FRAS1: variants seen among roughly 807,000 people sequenced by gnomAD.
FRAS1 encodes the protein Fraser extracellular matrix complex subunit 1.
A neutral mutation model predicts 435.2 loss-of-function variants in FRAS1; 290 were observed. The observed-to-expected ratio is 0.67, with a 90% CI of 0.61 to 0.73. The LOEUF is 0.73. FRAS1 is among the 30% of genes least tolerant of loss of function. The probability of loss-of-function intolerance (pLI) is 0.00; values close to 1 mark genes in which losing one functional copy is unlikely to be tolerated. For missense variants in FRAS1, 4,860 were observed against 5,001.5 expected (o/e 0.97, Z 0.85); for synonymous variants, 1,800 against 1,851.0 (o/e 0.97, Z 0.71).
chr4:78,446,588 T>C, intron 42 of FRAS1, 139 bp from the exon 43 acceptor site: 1 of 1,400,264 alleles, frequency 7.1e-7, no homozygotes, highest in Non-Finnish European at 9.2e-7. Context: ...ACTATTTTGC[T>C]TGGGAAGTAA....
At chr4:78,122,137 C>T (rs1364955737) in intron 2 of FRAS1, among the ~76,000 whole-genome samples, 1 of 152,018 alleles carries the variant, frequency 6.6e-6, no homozygotes, top group African/African-American at 2.4e-5. Flanking sequence ...AGCCCCCCAT[C>T]CCCCACAGGC....
At chr4:78,355,778 G>A (rs1730828736) in intron 20 of FRAS1, among the ~76,000 whole-genome samples, 1 of 152,164 alleles carries the variant, frequency 6.6e-6, no homozygotes, top group African/African-American at 2.4e-5. Context: ...CCTGTGGGCA[G>A]GAACAGGCAT....
chr4:78,440,062 C>T (rs1212618066), intron 40 of FRAS1, among the ~76,000 whole-genome samples: 1 of 125,258 alleles, frequency 8.0e-6, no homozygotes. Context: ...CTCGCTCTGT[C>T]GCCCAGGCGG....
intron 59 of FRAS1, among the ~76,000 whole-genome samples, chr4:78,489,725 C>A (rs1720284326): frequency 1.3e-5 from 2 of 152,130 alleles, no homozygotes; most frequent in South Asian, 2.1e-4. Flanking sequence ...CAAATGAGTT[C>A]TGCTCTTATT....
chr4:78,125,882 G>A (rs961872787), intron 2 of FRAS1, among the ~76,000 whole-genome samples: 4 of 152,338 alleles, frequency 2.6e-5, no homozygotes, highest in East Asian at 3.9e-4. Context: ...GAGCTTGAAT[G>A]CCATGCTGGG....
At chr4:78,391,907 G>C (rs1295927022) in intron 29 of FRAS1, among the ~76,000 whole-genome samples, 1 of 152,058 alleles carries the variant, frequency 6.6e-6, no homozygotes, top group African/African-American at 2.4e-5. Flanking sequence ...AAATATCAAT[G>C]GCATAAAATG....
At chr4:78,373,031 C>T (rs1025887617) in intron 24 of FRAS1, among the ~76,000 whole-genome samples, 173 bp downstream of exon 24, 2 of 152,106 alleles carry the variant, frequency 1.3e-5, no homozygotes, top group Non-Finnish European at 1.5e-5. Flanking sequence ...TTTCATCTTC[C>T]ATGCCTTAAT....
At chr4:78,373,222 A>G (rs549837345) in intron 24 of FRAS1, among the ~76,000 whole-genome samples, 2 of 151,912 alleles carry the variant, frequency 1.3e-5, no homozygotes, top group Non-Finnish European at 2.9e-5. Flanking sequence ...TTATTTCACT[A>G]TCTGCCCCCT....
At chr4:78,539,520 T>A in intron 73 of FRAS1, 80 bp downstream of exon 73, 3 of 1,190,164 alleles carry the variant, frequency 2.5e-6, no homozygotes, top group East Asian at 2.4e-5. Context: ...GAAGGAGGAC[T>A]GCAACATCTC....
chr4:78,456,715 G>C (rs771504400), intron 47 of FRAS1, among the ~76,000 whole-genome samples: 26 of 152,186 alleles, frequency 1.7e-4, no homozygotes, highest in Non-Finnish European at 3.1e-4. Context: ...CAAACATTTA[G>C]AGGGTAGAGA....
chr4:78,388,157 C>T lies in FRAS1; in HGVS notation c.3975+456C>T, dbSNP rs145291380. Among the ~76,000 whole-genome samples the T allele has an allele frequency of 9.7e-3, 1,470 of 152,004 alleles. 15 individuals carry two copies. The highest frequency in any genetic ancestry group is 0.034 in the African/African-American group (1,406 of 41,452). The stretch of plus-strand genomic sequence containing the variant: ...TGGCTAACACGGTGAAACCCCGTCT[C>T]TACTGAAAATACAAAAAATTCGCTG... On this transcript the variant is annotated intron_variant, in intron 29 of 73. Transcript: ENST00000512123.
intron 69 of FRAS1, among the ~76,000 whole-genome samples, chr4:78,524,883 A>G (rs1721485599): frequency 6.6e-6 from 1 of 152,176 alleles, no homozygotes; most frequent in Non-Finnish European, 1.5e-5. Flanking sequence ...ATGGGGAGAC[A>G]TTATAATTTT....
intron 29 of FRAS1, among the ~76,000 whole-genome samples, chr4:78,395,432 G>A (rs1302792302): frequency 1.3e-5 from 2 of 151,940 alleles, no homozygotes; most frequent in Non-Finnish European, 2.9e-5. Context: ...CTATCTGGAT[G>A]ATCTCTTTAT....
intron 50 of FRAS1, among the ~76,000 whole-genome samples, chr4:78,467,210 C>T (rs1719559558): frequency 6.6e-6 from 1 of 152,140 alleles, no homozygotes; most frequent in African/African-American, 2.4e-5. Context: ...TACCCATTAA[C>T]CATCTCTGCC....
At chr4:78,245,505 G>A (rs980181894) in intron 4 of FRAS1, among the ~76,000 whole-genome samples, 180 bp downstream of exon 4, 13 of 152,100 alleles carry the variant, frequency 8.5e-5, no homozygotes, top group African/African-American at 3.1e-4. Context: ...ACATTCTGTA[G>A]GCTCTACATA....
chr4:78,481,206 AC>A lies in FRAS1; in HGVS notation c.8444-597del, dbSNP rs976417498. 5.9e-4 allele frequency among the ~76,000 whole-genome samples: 90 copies of A among 152,340 alleles called. 1 individual carries two copies. Among genetic ancestry groups the A allele is most frequent in the African/African-American group, 2.1e-3 (88 of 41,580 alleles). ...GAAAATAGCTAAATATCCTTAGGAC[AC>A]TACAAAGCATGATGTCACAGTGGAC... On this transcript the variant is annotated intron_variant, in intron 56 of 73. Coordinates refer to ENST00000512123, the MANE Select transcript of FRAS1 (RefSeq NM_025074.7).
rs755980313 is a variant in FRAS1 at position 78,479,414 on chromosome 4, C to T, written c.8139C>T (p.Val2713=). Residue 2713 remains valine (V), a synonymous_variant, in exon 56 of 74, where the codon GTC becomes GTT. Transcript: ENST00000512123. ...SSIVSAICYT[V]PKSAMGSSLY... ...TTGTATCTGCAATTTGCTACACAGT[C>T]CCTAAGTCAGCTATGGGAAGTAGCC... is the stretch of plus-strand genomic sequence containing the variant. 2.6e-6 allele frequency: 4 copies of T among 1,556,336 alleles called. No homozygotes were observed. Among genetic ancestry groups the T allele is most frequent in the East Asian group, 4.5e-5 (2 of 44,156 alleles).
Position 78,540,946 on chromosome 4 carries a change from T to A in FRAS1, c.11861T>A (p.Val3954Glu). The change falls in exon 74 of 74, where the codon GTG (valine) becomes GAG (glutamate). Residue 3954 changes from valine to glutamate, a missense_variant. Coordinates refer to ENST00000512123, the MANE Select transcript of FRAS1 (RefSeq NM_025074.7). ...TATCCTCTGAATACCAAGGTAGAAG[T>A]GCCCAAGAGGCACCCGGACCGGGTG... The part of the protein sequence containing the change: ...EEYPLNTKVE[V>E]PKRHPDRVEK... The A allele has an allele frequency of 6.2e-7, 1 of 1,613,904 alleles. No individual in the cohort carries two copies. Among genetic ancestry groups the A allele is most frequent in the Non-Finnish European group, 8.5e-7 (1 of 1,179,864 alleles).
intron 9 of FRAS1, among the ~76,000 whole-genome samples, chr4:78,271,488 T>C (rs953483794): frequency 5.3e-5 from 8 of 151,834 alleles, no homozygotes; most frequent in Non-Finnish European, 1.0e-4. Flanking sequence ...CAACAGGGCC[T>C]GGTGTGTGAT....
Sources: gnomAD v4.1 joint callset for allele counts (sites outside exome capture counted in the v4.1 genomes callset) on GRCh38, gnomAD v4.1.1 for gene constraint, MANE v1.5 for transcripts, NCBI Gene and HGNC (gene_info 2026-07-23, HGNC 2026-07-21) for gene names.